The following ARLN variants were observed in gnomAD, a reference collection of about 807,000 sequenced individuals.
ARLN encodes the protein sarcoplasmic/endoplasmic reticulum calcium ATPase regulator ARLN.
chr4:119,302,159 T>C, the ARLN span, among the ~76,000 whole-genome samples: 2 of 152,152 alleles, frequency 1.3e-5, no homozygotes, highest in African/African-American at 4.8e-5. Context: ...TGATAAAAAA[T>C]TATTGAGATT....
At chr4:119,301,846 A>G in the ARLN span, among the ~76,000 whole-genome samples, 1 of 152,210 alleles carries the variant, frequency 6.6e-6, no homozygotes, top group African/African-American at 2.4e-5. Flanking sequence ...ATAGCTTCCT[A>G]ACCTTGCTCC....
the ARLN span, chr4:119,300,478 A>G: frequency 6.2e-7 from 1 of 1,614,106 alleles, no homozygotes; most frequent in South Asian, 1.1e-5. Flanking sequence ...CCCTCGCTAA[A>G]GCCTCGCCGC....
the ARLN span, chr4:119,300,451 C>G: frequency 6.2e-7 from 1 of 1,614,040 alleles, no homozygotes; most frequent in African/African-American, 1.3e-5. Context: ...GGCCTCACAT[C>G]GAAGTTCTGC....
At chr4:119,303,231 CTTTTTTTTT>C in the ARLN span, among the ~76,000 whole-genome samples, 10 of 111,368 alleles carry the variant, frequency 9.0e-5, no homozygotes, top group African/African-American at 2.4e-4. Flanking sequence ...CTCTTCAATT[CTTTTTTTTT>C]TTTTTTTTTT....
At chr4:119,299,772 G>A in the ARLN span, among the ~76,000 whole-genome samples, 1 of 152,166 alleles carries the variant, frequency 6.6e-6, no homozygotes, top group African/African-American at 2.4e-5. Flanking sequence ...TAAAGTTGGC[G>A]TTTACTGAAA....
the ARLN span, chr4:119,300,252 G>A: frequency 3.6e-6 from 4 of 1,116,972 alleles, no homozygotes; most frequent in Non-Finnish European, 5.2e-6. Flanking sequence ...TAAACTCTCT[G>A]GAATTCAGTC....
the ARLN span, among the ~76,000 whole-genome samples, chr4:119,303,869 A>G: frequency 1.3e-5 from 2 of 152,174 alleles, no homozygotes; most frequent in East Asian, 3.9e-4. Flanking sequence ...GAGCCAGACC[A>G]TGTTCCCTCC....
the ARLN span, among the ~76,000 whole-genome samples, chr4:119,299,422 T>C: frequency 6.6e-6 from 1 of 152,152 alleles, no homozygotes; most frequent in African/African-American, 2.4e-5. Flanking sequence ...ACTAAGGAGT[T>C]AACAGTGAGT....
At chr4:119,300,726 C>T in the ARLN span, 2 of 1,520,794 alleles carry the variant, frequency 1.3e-6, no homozygotes, top group Non-Finnish European at 8.8e-7. Context: ...CCGCTGCCTC[C>T]GTGACCGCTG....
chr4:119,301,241 T>TAA, the ARLN span, among the ~76,000 whole-genome samples: 85 of 100,392 alleles, frequency 8.5e-4, no homozygotes, highest in African/African-American at 3.0e-3. Context: ...CCGTCTCTAC[T>TAA]AAAAAAAAAA....
the ARLN span, chr4:119,300,871 T>C: frequency 8.1e-6 from 11 of 1,365,356 alleles, no homozygotes; most frequent in South Asian, 1.4e-4. Context: ...AAAGGCCCAG[T>C]CCAGTCAGGT....
chr4:119,298,906 C>A, the ARLN span: 4 of 580,172 alleles, frequency 6.9e-6, no homozygotes, highest in African/African-American at 7.8e-5. Flanking sequence ...TATTTTCTAT[C>A]CAGAGCTGAA....
the ARLN span, chr4:119,304,422 G>A: frequency 6.5e-7 from 1 of 1,535,178 alleles, no homozygotes; most frequent in African/African-American, 1.4e-5. Flanking sequence ...TCCTATTAAT[G>A]GGGCTATTTA....
the ARLN span, chr4:119,297,073 G>C: frequency 6.6e-6 from 1 of 152,218 alleles, no homozygotes; most frequent in Non-Finnish European, 1.5e-5. Context: ...ACATTTATTA[G>C]ATGAAACCAT....
At chr4:119,300,637 G>A in the ARLN span, 20 of 1,582,090 alleles carry the variant, frequency 1.3e-5, 1 homozygote, top group African/African-American at 1.8e-4. Flanking sequence ...CCGGCCGCCT[G>A]CGCAGTGCGC....
At chr4:119,303,400 A>G in the ARLN span, among the ~76,000 whole-genome samples, 1 of 151,822 alleles carries the variant, frequency 6.6e-6, no homozygotes, top group Admixed American at 6.6e-5. Context: ...ACGCCTGGCT[A>G]ATTTTTGTAT....
the ARLN span, chr4:119,296,686 T>A: frequency 5.9e-5 from 9 of 152,288 alleles, no homozygotes; most frequent in Non-Finnish European, 2.9e-5. Context: ...TTATTCCAGC[T>A]AGGCCCTCAA....
chr4:119,302,044 T>C, the ARLN span, among the ~76,000 whole-genome samples: 2 of 152,212 alleles, frequency 1.3e-5, no homozygotes, highest in Non-Finnish European at 2.9e-5. Context: ...ATTGAATCTT[T>C]ACAAAAATTA....
At chr4:119,301,241 TAAAAAAAA>T in the ARLN span, among the ~76,000 whole-genome samples, 1 of 100,422 alleles carries the variant, frequency 1.0e-5, no homozygotes, top group African/African-American at 4.0e-5. Flanking sequence ...CCGTCTCTAC[TAAAAAAAA>T]AAAAAAAAAA....
Sources: gnomAD v4.1 joint callset for allele counts (sites outside exome capture counted in the v4.1 genomes callset) on GRCh38, gnomAD v4.1.1 for gene constraint, MANE v1.5 for transcripts, NCBI Gene and HGNC (gene_info 2026-07-23, HGNC 2026-07-21) for gene names.